HERC1: variants seen among roughly 807,000 people sequenced by gnomAD.
The protein encoded by HERC1 is probable E3 ubiquitin-protein ligase HERC1.
In HERC1, 160 loss-of-function variants were observed where a neutral mutation model predicts 554.3. That is an observed-to-expected ratio of 0.29 (90% CI 0.25 to 0.33). The LOEUF (loss-of-function observed/expected upper bound fraction) is 0.33, where lower values mean the gene tolerates loss of function less well. Ranked by LOEUF, HERC1 falls within the 10% of genes least tolerant of loss-of-function variation. The probability of loss-of-function intolerance (pLI) is 1.00; values close to 1 mark genes in which losing one functional copy is unlikely to be tolerated. For synonymous variants in HERC1, 2,175 were observed against 2,131.7 expected, an observed-to-expected ratio of 1.02 and a Z score of -0.56; for missense variants, 4,919 against 5,918.5, an observed-to-expected ratio of 0.83 and a Z score of 5.54.
intron 1 of HERC1, among the ~76,000 whole-genome samples, chr15:63,817,077 C>A (rs1422561177): frequency 2.6e-5 from 4 of 151,966 alleles, no homozygotes; most frequent in African/African-American, 9.7e-5. Flanking sequence ...CTAAGGGAAA[C>A]TTATCAGGGC....
chr15:63,703,023 G>T (rs564240542), intron 25 of HERC1, among the ~76,000 whole-genome samples: 2 of 149,246 alleles, frequency 1.3e-5, no homozygotes, highest in East Asian at 3.9e-4. Context: ...AGAATTGCTT[G>T]AACAGGGACC....
chr15:63,733,229 C>T, intron 13 of HERC1, 84 bp from the exon 14 acceptor site: 1 of 846,992 alleles, frequency 1.2e-6, no homozygotes, highest in South Asian at 1.4e-5. Context: ...AAAAACTATA[C>T]TAATCCACTT....
chr15:63,696,151 T>C lies in HERC1; in HGVS notation c.5094A>G (p.Gly1698=), dbSNP rs919516716. 3 of 1,613,338 alleles carry C rather than the reference T, an allele frequency of 1.9e-6. No individual in the cohort carries two copies. The highest frequency in any genetic ancestry group is 1.7e-6 in the Non-Finnish European group (2 of 1,179,512). ...GATAGTGATGCAATCGGCCACTCTC[T>C]CCCTTGCCTCCTGTGTGTCCAACAG... ...LGTVGHTGGK[G]ESGRLHHYQD... Residue 1698 remains glycine (G), a synonymous_variant, in exon 27 of 78, where the codon GGA becomes GGG. Transcript: ENST00000443617.
chr15:63,732,296 T>C lies in HERC1; in HGVS notation c.2868+628A>G, dbSNP rs967739334. Among the ~76,000 whole-genome samples the C allele has an allele frequency of 1.3e-5, 2 of 152,134 alleles. 1 individual carries two copies. Among genetic ancestry groups the C allele is most frequent in the African/African-American group, 4.8e-5 (2 of 41,418 alleles). ...GATTACAGGCATAAGACACCGCGCC[T>C]GGCCTGAAGGGGTTTTAATTTAATA... On this transcript the variant is annotated intron_variant, in intron 14 of 77. Coordinates refer to ENST00000443617, the MANE Select transcript of HERC1 (RefSeq NM_003922.4).
rs769002596 is a variant in HERC1, at chr15:63,749,490, T to C, written c.2096A>G (p.Gln699Arg). Residue 699 changes from glutamine (Q) to arginine (R), a missense_variant, in exon 10 of 78, where the codon CAG (glutamine) becomes CGG (arginine). By Grantham distance (43) the Gln-to-Arg change is conservative. Around this residue, in one of 11 missense-constraint regions of HERC1, gnomAD observed 744 missense variants for 1,090.0 expected, o/e 0.68. Coordinates refer to ENST00000443617, the MANE Select transcript of HERC1 (RefSeq NM_003922.4). This position sits in a 1 kb window ranked among gnomAD's most constrained non-coding sequence, Gnocchi z 4.1. ...AGTAATAGGACCTGTGGAATTTCCCTGACCACATTGCCCCATTGAGTTATT... is the reference window on the plus strand; with the variant it reads ...AGTAATAGGACCTGTGGAATTTCCCCGACCACATTGCCCCATTGAGTTATT... ...WGNNSMGQCG[Q>R]GNSTGPITKP... The C allele has an allele frequency of 6.2e-7, 1 of 1,613,756 alleles. No individual in the cohort carries two copies. The highest frequency in any genetic ancestry group is 8.5e-7 in the Non-Finnish European group (1 of 1,179,720).
At position 63,645,475 on chromosome 15, in the gene HERC1, C is replaced by A; in HGVS notation, c.11078+8G>T. On this transcript the variant is annotated splice_region_variant and intron_variant, in intron 56 of 77. Coordinates refer to ENST00000443617, the MANE Select transcript of HERC1 (RefSeq NM_003922.4). ...ACTAAGACGTATAGATGCAAATTGA[C>A]AACATACGTAGCCATCAGTAACTGC... 1 of 1,597,790 alleles carries A rather than the reference C, an allele frequency of 6.3e-7. No individual in the cohort carries two copies. Among genetic ancestry groups the A allele is most frequent in the Non-Finnish European group, 8.5e-7 (1 of 1,172,000 alleles).
chr15:63,687,782 G>A (rs1203269946), intron 33 of HERC1, among the ~76,000 whole-genome samples: 2 of 152,066 alleles, frequency 1.3e-5, no homozygotes, highest in Non-Finnish European at 2.9e-5. Flanking sequence ...AACTACTCTA[G>A]ATTGATTAGG....
At chr15:63,798,485 C>T (rs1021580009) in intron 1 of HERC1, among the ~76,000 whole-genome samples, 2 of 151,272 alleles carry the variant, frequency 1.3e-5, no homozygotes, top group Non-Finnish European at 2.9e-5. Context: ...CTTCAAACCA[C>T]TGCTTCTATC....
intron 47 of HERC1, among the ~76,000 whole-genome samples, chr15:63,659,447 C>G (rs1024918045): frequency 6.6e-6 from 1 of 152,066 alleles, no homozygotes; most frequent in African/African-American, 2.4e-5. Context: ...AGAAATGGGT[C>G]TCACCATGTT....
At chr15:63,652,074 G>GA (rs912557924) in intron 52 of HERC1, among the ~76,000 whole-genome samples, 1 of 151,964 alleles carries the variant, frequency 6.6e-6, no homozygotes, top group Non-Finnish European at 1.5e-5. Context: ...AAAAACTGTT[G>GA]AAAATGCTAC....
chr15:63,611,524 T>C (rs768576127), intron 77 of HERC1, among the ~76,000 whole-genome samples: 1 of 152,150 alleles, frequency 6.6e-6, no homozygotes, highest in African/African-American at 2.4e-5. Context: ...ACAACACAAG[T>C]GGGCACAGAG....
rs780612896 is a variant in HERC1 at position 63,666,386 on chromosome 15, G to C, written c.8293C>G (p.Arg2765Gly). 2 of 1,613,268 alleles carry C rather than the reference G, an allele frequency of 1.2e-6. No individual in the cohort carries two copies. The highest frequency in any genetic ancestry group is 3.3e-5 in the Admixed American group (2 of 59,980). ...VPLLEMGFSL[R>G]QIAKAMEATG... ...GCTTCCATGGCTTTGGCAATCTGCCGAAGAGAGAACCCCATTTCCAGCAAG... is the reference window on the plus strand; with the variant it reads ...GCTTCCATGGCTTTGGCAATCTGCCCAAGAGAGAACCCCATTTCCAGCAAG... Residue 2765 changes from arginine to glycine, a missense_variant, in exon 41 of 78, where the codon CGG becomes GGG. This residue lies in a region of HERC1 where 1,963 missense variants were observed against 2,228.6 expected (regional missense o/e 0.88). Coordinates refer to ENST00000443617, the MANE Select transcript of HERC1 (RefSeq NM_003922.4).
At position 63,775,777 on chromosome 15, in the gene HERC1, C is replaced by T. The variant is rs2076094476; in HGVS notation, c.-26-128G>A. ...ATGCAGCCGGGTGCGGTGGCTCACG[C>T]CTGTAATCCCAACACTTTGGGAGGC... On this transcript the variant is annotated intron_variant, in intron 1 of 77. Transcript: ENST00000443617. This position sits in a 1 kb window ranked among gnomAD's most constrained non-coding sequence, Gnocchi z 4.0. 1.5e-6 allele frequency: 1 copy of T among 661,770 alleles called. No homozygotes were observed. Among genetic ancestry groups the T allele is most frequent in the African/African-American group, 1.8e-5 (1 of 54,584 alleles). 41.0% of individuals were successfully genotyped at this position (661,770 alleles called of 1,614,324 possible).
intron 1 of HERC1, among the ~76,000 whole-genome samples, chr15:63,825,260 T>C (rs924424535): frequency 1.3e-5 from 2 of 152,078 alleles, no homozygotes; most frequent in Admixed American, 6.6e-5. Context: ...GATCATGCCA[T>C]TGCACCCCAG....
At chr15:63,814,999 C>T (rs1294574235) in intron 1 of HERC1, among the ~76,000 whole-genome samples, 1 of 152,190 alleles carries the variant, frequency 6.6e-6, no homozygotes, top group Non-Finnish European at 1.5e-5. Flanking sequence ...TAAATGAGTT[C>T]CAAAGCATTT....
chr15:63,804,634 A>G (rs2077085372), intron 1 of HERC1, among the ~76,000 whole-genome samples: 1 of 152,054 alleles, frequency 6.6e-6, no homozygotes, highest in Admixed American at 6.6e-5. Context: ...AGATATGATG[A>G]ACACATACAT....
chr15:63,683,702 G>A (rs1166887657), intron 34 of HERC1, among the ~76,000 whole-genome samples: 4 of 152,282 alleles, frequency 2.6e-5, no homozygotes, highest in East Asian at 3.9e-4. Flanking sequence ...AGGCTGGCAT[G>A]CAGTAGTGTA....
intron 12 of HERC1, among the ~76,000 whole-genome samples, chr15:63,741,763 G>C (rs756258554): frequency 3.9e-5 from 6 of 152,072 alleles, no homozygotes; most frequent in Non-Finnish European, 8.8e-5. Context: ...AAATAGTTTT[G>C]GCACTCTTGT....
At chr15:63,743,301 C>T (rs1362136232) in intron 12 of HERC1, among the ~76,000 whole-genome samples, 11 of 120,822 alleles carry the variant, frequency 9.1e-5, no homozygotes, top group African/African-American at 2.6e-4. Flanking sequence ...CTCACTCTGT[C>T]ACCAGGCTGG....
Sources: allele counts gnomAD v4.1 joint callset (sites outside exome capture counted in the v4.1 genomes callset), GRCh38; gene constraint gnomAD v4.1.1; regional missense constraint gnomAD v4.1.1; non-coding constraint Gnocchi (gnomAD v3.1); transcripts MANE v1.5; gene names NCBI Gene and HGNC (gene_info 2026-07-23, HGNC 2026-07-21).